STRBP: variants seen among roughly 807,000 people sequenced by gnomAD.
STRBP encodes spermatid perinuclear RNA-binding protein.
A neutral mutation model predicts 80.1 loss-of-function variants in STRBP; 13 were observed. The observed-to-expected ratio is 0.16, with a 90% CI of 0.11 to 0.26. The LOEUF is 0.26. STRBP is among the 10% of genes least tolerant of loss of function. The pLI is 1.00. For synonymous variants in STRBP, 284 were observed against 291.2 expected, an observed-to-expected ratio of 0.98 and a Z score of 0.25; for missense variants, 485 against 815.2, an observed-to-expected ratio of 0.59 and a Z score of 4.93.
rs149937627 is a variant in STRBP at position 123,171,201 on chromosome 9, C to T, written c.391-1155G>A. On this transcript the variant is annotated intron_variant, in intron 5 of 18. Coordinates refer to ENST00000348403, the MANE Select transcript of STRBP (RefSeq NM_018387.5). ...TGCATGTCGATCACCATAAGACACA[C>T]CCAAAATAATAAACATAATATGCAT... 4.9e-3 allele frequency among the ~76,000 whole-genome samples: 739 copies of T among 152,170 alleles called. 10 individuals are homozygous for T. The highest frequency in any genetic ancestry group is 0.01 in the Middle Eastern group (3 of 294).
intron 2 of STRBP, among the ~76,000 whole-genome samples, chr9:123,229,513 A>C (rs2040340035): frequency 6.6e-6 from 1 of 152,234 alleles, no homozygotes; most frequent in African/African-American, 2.4e-5. Flanking sequence ...AACATGTTTA[A>C]ATGTTGATGA....
intron 17 of STRBP, among the ~76,000 whole-genome samples, chr9:123,131,113 T>C (rs1656963783): frequency 6.6e-6 from 1 of 152,234 alleles, no homozygotes; most frequent in Non-Finnish European, 1.5e-5. Flanking sequence ...CTAGAACCAT[T>C]TGAACTCTTC....
At position 123,158,675 on chromosome 9, in the gene STRBP, A is replaced by C. The variant is rs567389745; in HGVS notation, c.836-246T>G. 2.6e-5 allele frequency among the ~76,000 whole-genome samples: 4 copies of C among 152,266 alleles called. No individual in the cohort carries two copies. In the East Asian group the frequency reaches 7.7e-4, roughly 29 times the overall value. On this transcript the variant is annotated intron_variant, in intron 9 of 18. Transcript: ENST00000348403. The stretch of plus-strand genomic sequence containing the variant: ...ATATCTAAGGCCCAAACTGAGTCTT[A>C]CTCTGAGAATTTAGAAACAGCACAA...
chr9:123,132,908 T>G lies in STRBP; in HGVS notation c.1834A>C (p.Arg612=). 1 of 1,614,162 alleles carries G rather than the reference T, an allele frequency of 6.2e-7. No individual in the cohort carries two copies. The highest frequency in any genetic ancestry group is 8.5e-7 in the Non-Finnish European group (1 of 1,180,002). Residue 612 remains arginine (R), a synonymous_variant, in exon 17 of 19, where the codon AGA becomes CGA. Coordinates refer to ENST00000348403, the MANE Select transcript of STRBP (RefSeq NM_018387.5). ...AAVQAVRGRG[R]GTLTRGAFVG... ...AAAGCTCCCCTTGTTAGAGTTCCTC[T>G]TCCTCTGCCCCGAACAGCTTGGACT... is the stretch of plus-strand genomic sequence containing the variant.
chr9:123,210,718 A>G (rs987228599), intron 2 of STRBP, among the ~76,000 whole-genome samples: 2 of 151,988 alleles, frequency 1.3e-5, no homozygotes, highest in East Asian at 3.9e-4. Flanking sequence ...AATCCCAGCT[A>G]CTCAGTAGGC....
intron 17 of STRBP, among the ~76,000 whole-genome samples, chr9:123,131,224 T>C (rs1369637584): frequency 6.6e-6 from 1 of 152,210 alleles, no homozygotes; most frequent in Non-Finnish European, 1.5e-5. Flanking sequence ...CTTCACACTA[T>C]AGAAAGACTA....
At chr9:123,254,595 G>A (rs985869270) in intron 1 of STRBP, among the ~76,000 whole-genome samples, 4 of 152,174 alleles carry the variant, frequency 2.6e-5, no homozygotes, top group African/African-American at 9.6e-5. Context: ...GGATCTCGCA[G>A]GTTTCTCACA....
At chr9:123,251,451 T>C (rs913493296) in intron 1 of STRBP, among the ~76,000 whole-genome samples, 1 of 152,154 alleles carries the variant, frequency 6.6e-6, no homozygotes, top group Non-Finnish European at 1.5e-5. Flanking sequence ...GGACTCAAAA[T>C]CAGGCCTGTG....
chr9:123,196,440 A>C (rs2039093654), intron 2 of STRBP, among the ~76,000 whole-genome samples: 1 of 152,208 alleles, frequency 6.6e-6, no homozygotes, highest in South Asian at 2.1e-4. Context: ...GAGACAACCC[A>C]AAGAATGGAA....
chr9:123,205,214 C>T (rs1487076357), intron 2 of STRBP, among the ~76,000 whole-genome samples: 1 of 152,106 alleles, frequency 6.6e-6, no homozygotes, highest in Non-Finnish European at 1.5e-5. Context: ...TGCAGTGAGC[C>T]GAGTTTGCAC....
At chr9:123,171,106 A>T (rs2037987103) in intron 5 of STRBP, among the ~76,000 whole-genome samples, 1 of 152,194 alleles carries the variant, frequency 6.6e-6, no homozygotes, top group African/African-American at 2.4e-5. Flanking sequence ...AACAGCTCAC[A>T]TTCATTTTGT....
chr9:123,152,872 C>G (rs970196595), intron 11 of STRBP, among the ~76,000 whole-genome samples: 2 of 152,174 alleles, frequency 1.3e-5, no homozygotes, highest in East Asian at 1.9e-4. Flanking sequence ...CACACACGCA[C>G]TGTATCACTG....
At chr9:123,209,812 C>T (rs1169404517) in intron 2 of STRBP, among the ~76,000 whole-genome samples, 1 of 152,112 alleles carries the variant, frequency 6.6e-6, no homozygotes, top group East Asian at 1.9e-4. Flanking sequence ...AAGTTTGTCT[C>T]GATAAATTAC....
chr9:123,113,028 C>G lies in STRBP; in HGVS notation c.*84+2901G>C, dbSNP rs546871144. 3 of 167,210 alleles carry G rather than the reference C, an allele frequency of 1.8e-5. No homozygotes were observed. In the East Asian group the frequency reaches 5.8e-4, roughly 32 times the overall value. The allele number at this position is 167,210 out of a possible 1,614,324, so 10.4% of individuals were successfully genotyped here. On this transcript the variant is annotated intron_variant and NMD_transcript_variant, in intron 3 of 3. Coordinates refer to the STRBP transcript ENST00000471564. ...AAGATTCTGTAAAGCTCTGTCATGT[C>G]AAAATAAAGGTGGGGTGCTCACTGA...
chr9:123,151,982 A>G lies in STRBP; in HGVS notation c.1046-4112T>C, dbSNP rs144882049. On this transcript the variant is annotated intron_variant, in intron 11 of 18. Transcript: ENST00000348403. ...TAAGGTACAAAATGTATAAAAGAGG[A>G]CATTACTACAAATACTACAGACAAT... Among the ~76,000 whole-genome samples, 929 of 152,272 alleles carry G rather than the reference A, an allele frequency of 6.1e-3. 10 individuals carry two copies. Among genetic ancestry groups the G allele is most frequent in the African/African-American group, 0.021 (869 of 41,564 alleles).
At chr9:123,142,502 T>A (rs907662512) in intron 13 of STRBP, among the ~76,000 whole-genome samples, 2 of 152,158 alleles carry the variant, frequency 1.3e-5, no homozygotes, top group African/African-American at 4.8e-5. Context: ...GACTAATACG[T>A]CCATCACTGC....
intron 2 of STRBP, among the ~76,000 whole-genome samples, chr9:123,222,049 T>G (rs977628095): frequency 2.6e-5 from 4 of 152,220 alleles, no homozygotes; most frequent in Non-Finnish European, 5.9e-5. Context: ...ATAATTCCTT[T>G]TACATTTATC....
intron 2 of STRBP, among the ~76,000 whole-genome samples, chr9:123,185,132 C>T (rs978621379): frequency 4.6e-5 from 7 of 151,694 alleles, no homozygotes; most frequent in African/African-American, 1.5e-4. Context: ...AAATACAGCA[C>T]ATGCTTTAAC....
At chr9:123,238,309 A>G (rs996360892) in intron 1 of STRBP, among the ~76,000 whole-genome samples, 2 of 152,360 alleles carry the variant, frequency 1.3e-5, no homozygotes, top group Non-Finnish European at 2.9e-5. Context: ...AGAATACATG[A>G]TACTGCACAA....
Sources: allele counts gnomAD v4.1 joint callset (sites outside exome capture counted in the v4.1 genomes callset), GRCh38; gene constraint gnomAD v4.1.1; transcripts MANE v1.5; gene names NCBI Gene and HGNC (gene_info 2026-07-23, HGNC 2026-07-21).